PLCL1: variants seen among roughly 807,000 people sequenced by gnomAD.
The protein encoded by PLCL1 is phospholipase C like 1 (inactive).
Under a neutral mutation model 84.4 loss-of-function variants are expected in PLCL1, and 41 were observed. That is an observed-to-expected ratio of 0.49 (90% CI 0.38 to 0.63). PLCL1 has a LOEUF of 0.63. Ranked by LOEUF, PLCL1 falls within the 30% of genes least tolerant of loss-of-function variation. The probability of loss-of-function intolerance (pLI) is 0.00; values close to 1 mark genes in which losing one functional copy is unlikely to be tolerated. For synonymous variants in PLCL1, 490 were observed against 488.3 expected (o/e 1.00, Z -0.05); for missense variants, 1,206 against 1,367.8 (o/e 0.88, Z 1.87).
At chr2:198,078,310 A>T (rs1692630076) in intron 1 of PLCL1, among the ~76,000 whole-genome samples, 1 of 152,200 alleles carries the variant, frequency 6.6e-6, no homozygotes, top group African/African-American at 2.4e-5. Context: ...GGTTGGAGTT[A>T]TCTGGATTCT....
At chr2:197,863,881 A>C (rs1341284084) in intron 1 of PLCL1, among the ~76,000 whole-genome samples, 1 of 152,204 alleles carries the variant, frequency 6.6e-6, no homozygotes, top group African/African-American at 2.4e-5. Context: ...CACTTTGATA[A>C]GATAGCTGTT....
At chr2:197,855,418 A>G (rs766766376) in intron 1 of PLCL1, among the ~76,000 whole-genome samples, 9 of 152,060 alleles carry the variant, frequency 5.9e-5, no homozygotes, top group Admixed American at 3.9e-4. Context: ...CAACAAATCA[A>G]TCTTTGGTTG....
intron 1 of PLCL1, among the ~76,000 whole-genome samples, chr2:198,045,614 G>A (rs1396092480): frequency 1.3e-5 from 2 of 152,136 alleles, no homozygotes; most frequent in Non-Finnish European, 2.9e-5. Flanking sequence ...GCACTTGAGA[G>A]GTAACCAGGA....
intron 1 of PLCL1, among the ~76,000 whole-genome samples, chr2:197,923,907 G>A (rs945347066): frequency 2.0e-5 from 3 of 151,662 alleles, no homozygotes; most frequent in African/African-American, 7.2e-5. Context: ...TGCAATCCCG[G>A]CACCTCGGGA....
chr2:198,137,535 A>C (rs902033235), intron 5 of PLCL1, among the ~76,000 whole-genome samples: 24 of 151,992 alleles, frequency 1.6e-4, no homozygotes, highest in African/African-American at 5.8e-4. Flanking sequence ...CTTCCAGAAC[A>C]CTCTCCCATA....
At chr2:198,056,507 G>T (rs760755945) in intron 1 of PLCL1, among the ~76,000 whole-genome samples, 1 of 152,040 alleles carries the variant, frequency 6.6e-6, no homozygotes, top group East Asian at 1.9e-4. Context: ...TTTCCACTTC[G>T]TGATCTTGGG....
chr2:198,080,438 T>C (rs1692681991), intron 1 of PLCL1, among the ~76,000 whole-genome samples: 1 of 152,196 alleles, frequency 6.6e-6, no homozygotes, highest in Non-Finnish European at 1.5e-5. Context: ...GGAATACAGA[T>C]GTAGGGGTGT....
At chr2:197,863,163 G>GTTT (rs71012994) in intron 1 of PLCL1, among the ~76,000 whole-genome samples, 38 of 134,784 alleles carry the variant, frequency 2.8e-4, no homozygotes, top group African/African-American at 9.8e-4. Flanking sequence ...TTCTTAAAGC[G>GTTT]TTTTTTTTTT....
At chr2:198,078,881 A>T (rs746252898) in intron 1 of PLCL1, among the ~76,000 whole-genome samples, 20 of 152,150 alleles carry the variant, frequency 1.3e-4, no homozygotes, top group Non-Finnish European at 2.8e-4. Context: ...GTGTGTTAAA[A>T]TATACATAAC....
intron 1 of PLCL1, among the ~76,000 whole-genome samples, chr2:197,947,218 G>C (rs187394816): frequency 7.1e-6 from 1 of 140,976 alleles, no homozygotes; most frequent in Non-Finnish European, 1.5e-5. Context: ...AAAGAGTAAA[G>C]GGTAGAGGTG....
intron 1 of PLCL1, among the ~76,000 whole-genome samples, chr2:197,943,312 T>C (rs750239413): frequency 2.0e-5 from 3 of 152,012 alleles, no homozygotes; most frequent in Non-Finnish European, 4.4e-5. Context: ...AAAATTATGG[T>C]GAAAGTATTA....
At chr2:197,841,528 T>C (rs1687002963) in intron 1 of PLCL1, among the ~76,000 whole-genome samples, 2 of 152,262 alleles carry the variant, frequency 1.3e-5, no homozygotes, top group African/African-American at 4.8e-5. Flanking sequence ...CCTCCATGTC[T>C]TTTTGTGGCT....
At position 197,805,378 on chromosome 2, in the gene PLCL1, G is replaced by T; in HGVS notation, c.240+39G>T. 1 of 1,330,606 alleles carries T rather than the reference G, an allele frequency of 7.5e-7. No individual in the cohort carries two copies. The highest frequency in any genetic ancestry group is 9.6e-7 in the Non-Finnish European group (1 of 1,046,088). The allele number at this position is 1,330,606 out of a possible 1,614,324, so 82.4% of individuals were successfully genotyped here. On this transcript the variant is annotated intron_variant, in intron 1 of 5. Transcript: ENST00000428675. The surrounding 1 kb of genome is among the most constrained non-coding windows in gnomAD (Gnocchi z 4.0). ...CGCCGCACCGGGAGCGTGGCTGTGGGTGATGGGTGGGTCAGGGACCCGGGC... is the reference window on the plus strand; with the variant it reads ...CGCCGCACCGGGAGCGTGGCTGTGGTTGATGGGTGGGTCAGGGACCCGGGC...
chr2:197,982,531 C>T (rs531819172), intron 1 of PLCL1, among the ~76,000 whole-genome samples: 1 of 152,308 alleles, frequency 6.6e-6, no homozygotes, highest in South Asian at 2.1e-4. Context: ...CAGCTCTTAT[C>T]ATTCCTCCTG....
chr2:198,106,413 A>C (rs112830469), intron 5 of PLCL1, among the ~76,000 whole-genome samples: 1 of 151,910 alleles, frequency 6.6e-6, no homozygotes, highest in African/African-American at 2.4e-5. Flanking sequence ...TGACCTCATG[A>C]AGTTAGCAGT....
chr2:198,031,376 TATATATA>T (rs1268359790), intron 1 of PLCL1, among the ~76,000 whole-genome samples: 1 of 151,898 alleles, frequency 6.6e-6, no homozygotes, highest in African/African-American at 2.4e-5. Context: ...TGTCTTTATA[TATATATA>T]ATATATAATG....
At chr2:198,100,037 A>G (rs1215696049) in intron 3 of PLCL1, among the ~76,000 whole-genome samples, 1 of 152,158 alleles carries the variant, frequency 6.6e-6, no homozygotes, top group Non-Finnish European at 1.5e-5. Flanking sequence ...ACAAAAAGAG[A>G]GATGGGAGTT....
At chr2:197,959,823 A>G (rs1689572960) in intron 1 of PLCL1, among the ~76,000 whole-genome samples, 1 of 152,084 alleles carries the variant, frequency 6.6e-6, no homozygotes, top group Non-Finnish European at 1.5e-5. Context: ...TACCTGTAGG[A>G]GTGGCTTGCA....
chr2:198,059,674 C>A (rs993528490), intron 1 of PLCL1, among the ~76,000 whole-genome samples: 5 of 152,060 alleles, frequency 3.3e-5, no homozygotes, highest in Non-Finnish European at 7.3e-5. Flanking sequence ...CTCCTCTACC[C>A]AGGACACACA....
Sources: gnomAD v4.1 joint callset for allele counts (sites outside exome capture counted in the v4.1 genomes callset) on GRCh38, gnomAD v4.1.1 for gene constraint, Gnocchi (gnomAD v3.1) non-coding constraint, MANE v1.5 for transcripts, NCBI Gene and HGNC (gene_info 2026-07-23, HGNC 2026-07-21) for gene names.